The following MICAL2 variants were observed in gnomAD, a reference collection of about 807,000 sequenced individuals.
The protein encoded by MICAL2 is microtubule associated monooxygenase, calponin and LIM domain containing 2, also known as [F-actin]-monooxygenase MICAL2.
Under a neutral mutation model 127.3 loss-of-function variants are expected in MICAL2, and 77 were observed. The ratio of observed to expected loss-of-function variants is 0.60; its 90% CI spans 0.50 to 0.73. The LOEUF (loss-of-function observed/expected upper bound fraction) is 0.73. Among genes scored for constraint, MICAL2 ranks in the 30% least tolerant of loss-of-function variants. The pLI, the probability that MICAL2 is intolerant of heterozygous loss-of-function variation, is 0.00. For missense variants in MICAL2, 1,351 were observed against 1,434.4 expected (o/e 0.94, Z 0.94); for synonymous variants, 570 against 551.1 (o/e 1.03, Z -0.48).
At chr11:12,290,625 A>G (rs1863885585), downstream of MICAL2, among the ~76,000 whole-genome samples, 3 of 152,180 alleles carry the variant, frequency 2.0e-5, no homozygotes, top group Admixed American at 1.3e-4. Context: ...GGGGTGCGGT[A>G]GTGGGAGGCA....
rs2134663054 is a variant in MICAL2, at chr11:12,257,011, G to T, written c.3142+40G>T. ...CAGGGCAGCACTGGGCTCTGGCCTT[G>T]GCCTCAGGTGTGACCTTGGCTCGGG... On this transcript the variant is annotated intron_variant, in intron 24 of 27. Transcript: ENST00000683283. 2.6e-6 allele frequency: 4 copies of T among 1,564,728 alleles called. No individual in the cohort carries two copies. In the South Asian group the frequency reaches 3.5e-5, roughly 14 times the overall value.
At chr11:12,304,932 G>T (rs1318709734) in intron 29 of MICAL2, among the ~76,000 whole-genome samples, 1 of 152,102 alleles carries the variant, frequency 6.6e-6, no homozygotes, top group Admixed American at 6.5e-5. Flanking sequence ...GTGACTTATG[G>T]AATGAATTCA....
At chr11:12,293,301 C>T (rs983268841), downstream of MICAL2, among the ~76,000 whole-genome samples, 2 of 152,174 alleles carry the variant, frequency 1.3e-5, no homozygotes, top group Admixed American at 6.5e-5. Context: ...TGGCTTCCAA[C>T]CCAGCTAATC....
chr11:12,284,342 TCATG>T (rs1195305837), intron 2 of MICAL2, among the ~76,000 whole-genome samples: 1 of 152,154 alleles, frequency 6.6e-6, no homozygotes, highest in Non-Finnish European at 1.5e-5. Flanking sequence ...TTACAGTGGG[TCATG>T]CACTAAGATC....
chr11:12,187,703 T>C (rs1858490372), intron 3 of MICAL2, among the ~76,000 whole-genome samples: 1 of 152,184 alleles, frequency 6.6e-6, no homozygotes, highest in Non-Finnish European at 1.5e-5. Context: ...CGAGAGTGGA[T>C]GAGTTGTCCG....
chr11:12,131,592 A>G (rs1034705050), intron 1 of MICAL2, among the ~76,000 whole-genome samples: 1 of 152,072 alleles, frequency 6.6e-6, no homozygotes, highest in African/African-American at 2.4e-5. Context: ...CTTTCTCCAT[A>G]TGCTTGCTGG....
rs373689328 is a variant in MICAL2 at position 12,358,362 on chromosome 11, T to A, written c.5757T>A (p.Ile1919=). 453 of 1,614,024 alleles carry A rather than the reference T, an allele frequency of 2.8e-4. 1 individual carries two copies. In the Middle Eastern group the frequency reaches 4.6e-3, roughly 16 times the overall value. The change falls in exon 35 of 35, where the codon ATT becomes ATA. Residue 1919 remains isoleucine, a synonymous_variant. Transcript: ENST00000646065. ...TATTCACCGAGCTGATGCAAGTGAT[T>A]GAGCAAAGGGACAAACTCGTCGATT...
downstream of MICAL2, chr11:12,294,789 G>T (rs767133417): frequency 5.1e-6 from 8 of 1,565,078 alleles, no homozygotes; most frequent in Non-Finnish European, 6.0e-6. Context: ...ACCTCCCTGC[G>T]CCAGGCAGCT....
chr11:12,358,007 G>A (rs779719902), intron 34 of MICAL2, among the ~76,000 whole-genome samples: 2 of 152,256 alleles, frequency 1.3e-5, no homozygotes, highest in Non-Finnish European at 2.9e-5. Flanking sequence ...AGGGAAGGTT[G>A]GGGGATTTGA....
chr11:12,227,063 A>G lies in MICAL2; in HGVS notation c.1927A>G (p.Ser643Gly), dbSNP rs756339821. 5 of 1,614,030 alleles carry G rather than the reference A, an allele frequency of 3.1e-6. No homozygotes were observed. The African/African-American group carries it at 5.3e-5, about 17-fold the overall frequency. The change falls in exon 15 of 28, where the codon AGC becomes GGC. Residue 643 changes from serine to glycine, a missense_variant. Ser to Gly is a moderately conservative substitution (Grantham distance 56, BLOSUM62 0). Transcript: ENST00000683283. Reference protein sequence around the residue: ...RKNYGENADLSLAKSSISNNY... With the variant: ...RKNYGENADLGLAKSSISNNY... ...AAACTATGGAGAAAATGCTGACCTC[A>G]GCTTGGCCAAATCATCCATTTCTAA...
chr11:12,220,637 C>T (rs1222429683), intron 9 of MICAL2, among the ~76,000 whole-genome samples, 179 bp downstream of exon 9: 1 of 152,262 alleles, frequency 6.6e-6, no homozygotes, highest in East Asian at 1.9e-4. Flanking sequence ...TCAGAGGAGC[C>T]TATTCTGCCT....
chr11:12,134,258 CCTTA>C (rs1160457192), intron 1 of MICAL2, among the ~76,000 whole-genome samples: 1 of 152,238 alleles, frequency 6.6e-6, no homozygotes, highest in African/African-American at 2.4e-5. Flanking sequence ...CCACTTTCTC[CCTTA>C]CTTCCTCCTT....
At chr11:12,291,140 C>T (rs1415555643), downstream of MICAL2, among the ~76,000 whole-genome samples, 7 of 152,130 alleles carry the variant, frequency 4.6e-5, no homozygotes, top group Non-Finnish European at 8.8e-5. Flanking sequence ...GACATCCCTA[C>T]GTGCCACCAC....
intron 32 of MICAL2, chr11:12,327,275 T>C (rs1590739084): frequency 5.8e-6 from 9 of 1,548,094 alleles, no homozygotes; most frequent in Admixed American, 2.0e-5. Flanking sequence ...AGGTACGGCA[T>C]CCCAGCAGAT....
At chr11:12,258,605 AG>A in intron 25 of MICAL2, 49 bp downstream of exon 25, 1 of 1,539,180 alleles carries the variant, frequency 6.5e-7, no homozygotes, top group Non-Finnish European at 9.0e-7. Flanking sequence ...CCCCTTGATA[AG>A]GGTTTCCAGT....
intron 20 of MICAL2, among the ~76,000 whole-genome samples, chr11:12,243,736 A>G (rs1860306611): frequency 6.6e-6 from 1 of 152,220 alleles, no homozygotes; most frequent in Non-Finnish European, 1.5e-5. Context: ...GTAGGCAGGA[A>G]CAGATTGAAT....
At chr11:12,234,373 T>G (rs1858735359) in intron 15 of MICAL2, among the ~76,000 whole-genome samples, 1 of 152,000 alleles carries the variant, frequency 6.6e-6, no homozygotes, top group Non-Finnish European at 1.5e-5. Context: ...CATTCTGTAC[T>G]TTCACAGGCC....
exon 30 of MICAL2, chr11:12,319,803 C>A (rs774018590): frequency 2.5e-6 from 4 of 1,613,444 alleles, no homozygotes; most frequent in Admixed American, 3.3e-5. Flanking sequence ...GCTTTCCTTG[C>A]AGTTAAAGGT....
intron 3 of MICAL2, among the ~76,000 whole-genome samples, chr11:12,173,783 A>T (rs1237564953): frequency 1.3e-5 from 2 of 152,142 alleles, no homozygotes; most frequent in Non-Finnish European, 2.9e-5. Flanking sequence ...AAGTGGAATC[A>T]TATTGTCTTT....
Sources: allele counts gnomAD v4.1 joint callset (sites outside exome capture counted in the v4.1 genomes callset), GRCh38; gene constraint gnomAD v4.1.1; transcripts MANE v1.5; gene names NCBI Gene and HGNC (gene_info 2026-07-23, HGNC 2026-07-21).